The following PDK2 variants were observed in gnomAD, a reference collection of about 807,000 sequenced individuals.
PDK2 encodes pyruvate dehydrogenase kinase 2.
PDK2 carries 34 observed loss-of-function variants against 50.4 expected under a neutral mutation model. That is an observed-to-expected ratio of 0.68 (90% CI 0.51 to 0.90). The LOEUF is 0.90. Among genes scored for constraint, PDK2 ranks in the 40% least tolerant of loss-of-function variants. The probability of loss-of-function intolerance (pLI) is 0.00; values close to 1 mark genes in which losing one functional copy is unlikely to be tolerated. For missense variants in PDK2, 377 were observed against 544.5 expected (o/e 0.69, Z 3.06); for synonymous variants, 232 against 216.0 (o/e 1.07, Z -0.65).
chr17:50,106,208 G>C lies in PDK2; in HGVS notation c.517+139G>C, dbSNP rs1910509553. 12 of 1,459,754 alleles carry C rather than the reference G, an allele frequency of 8.2e-6. No homozygotes were observed. The South Asian group carries it at 1.6e-4, about 20-fold the overall frequency. The allele number at this position is 1,459,754 out of a possible 1,614,324, so 90.4% of individuals were successfully genotyped here. The stretch of plus-strand genomic sequence containing the variant: ...TTTGAATAGTTACTCCAGTAACTAT[G>C]GAGTTAATGGCTCCAACATGGAAAA... On this transcript the variant is annotated intron_variant, in intron 4 of 10. Coordinates refer to ENST00000503176, the MANE Select transcript of PDK2 (RefSeq NM_002611.5).
At chr17:50,097,397 T>C in intron 1 of PDK2, 26 bp from the exon 2 acceptor site, 9 of 1,611,888 alleles carry the variant, frequency 5.6e-6, no homozygotes, top group Non-Finnish European at 7.6e-6. Context: ...TGTGGCTCTG[T>C]GGCTCACCCC....
rs752164736 is a variant in PDK2, at chr17:50,106,653, C to T, written c.518-141C>T. On this transcript the variant is annotated intron_variant, in intron 4 of 10. Coordinates refer to ENST00000503176, the MANE Select transcript of PDK2 (RefSeq NM_002611.5). Reference sequence around the variant, plus strand: ...GGGGTCAGGGAAGGGAGGACAGAAGCGGGGGAGTGGGGCAGCTTTAGGACT... The same window carrying T: ...GGGGTCAGGGAAGGGAGGACAGAAGTGGGGGAGTGGGGCAGCTTTAGGACT... 369 of 702,172 alleles carry T rather than the reference C, an allele frequency of 5.3e-4. 2 individuals carry two copies. Among genetic ancestry groups the T allele is most frequent in the Middle Eastern group, 1.0e-3 (4 of 3,966 alleles). The allele number at this position is 702,172 out of a possible 1,614,324, so 43.5% of individuals were successfully genotyped here. A position where few individuals can be genotyped will look rare whatever the true frequency, so the allele number is the denominator to read the frequency against.
In PDK2 at chr17:50,095,457, C is replaced by T. The variant is rs780982845; in HGVS notation, c.22C>T (p.Leu8=). 5.0e-6 allele frequency: 8 copies of T among 1,603,842 alleles called. No individual in the cohort carries two copies. The African/African-American group carries it at 1.1e-4, about 21-fold the overall frequency. MRWVWAL[L]KNASLAGAPK... ...AGCCATGCGCTGGGTGTGGGCGCTGCTGAAGAATGCGTCCCTGGCAGGGGC... is the reference window on the plus strand; with the variant it reads ...AGCCATGCGCTGGGTGTGGGCGCTGTTGAAGAATGCGTCCCTGGCAGGGGC... The change falls in exon 1 of 11, where the codon CTG becomes TTG. Residue 8 remains leucine, a synonymous_variant. Coordinates refer to ENST00000503176, the MANE Select transcript of PDK2 (RefSeq NM_002611.5).
Position 50,101,606 on chromosome 17 carries a change from C to G in PDK2, c.261-3765C>G, listed in dbSNP as rs535631481. ...GCACACACCCACAGGCATGCACATGCCACATGCACACAATTACACACACTC... is the reference window on the plus strand; with the variant it reads ...GCACACACCCACAGGCATGCACATGGCACATGCACACAATTACACACACTC... On this transcript the variant is annotated intron_variant, in intron 2 of 10. Transcript: ENST00000503176. The surrounding 1 kb of genome is among the most constrained non-coding windows in gnomAD (Gnocchi z 4.2). Among the ~76,000 whole-genome samples, 5 of 152,294 alleles carry G rather than the reference C, an allele frequency of 3.3e-5. 1 individual carries two copies. The South Asian group carries it at 1.0e-3, about 32-fold the overall frequency.
At position 50,109,427 on chromosome 17, in the gene PDK2, C is replaced by G. The variant is rs780127585; in HGVS notation, c.1083+27C>G. 6.7e-7 allele frequency: 1 copy of G among 1,497,694 alleles called. No homozygotes were observed. The highest frequency in any genetic ancestry group is 1.2e-5 in the South Asian group (1 of 86,792). The allele number at this position is 1,497,694 out of a possible 1,614,324, so 92.8% of individuals were successfully genotyped here. A position where few individuals can be genotyped will look rare whatever the true frequency, so the allele number is the denominator to read the frequency against. On this transcript the variant is annotated intron_variant, in intron 10 of 10. Transcript: ENST00000503176. This position sits in a 1 kb window ranked among gnomAD's most constrained non-coding sequence, Gnocchi z 5.0. ...TGAGGGCCCTTCCCGCAGAGCCCAG[C>G]TGGAGAAGAGCTTTGCTGATAGGAC...
Position 50,109,293 on chromosome 17 carries a change from T to C in PDK2, c.976T>C (p.Phe326Leu). 1 of 1,611,908 alleles carries C rather than the reference T, an allele frequency of 6.2e-7. No individual in the cohort carries two copies. The highest frequency in any genetic ancestry group is 2.2e-5 in the East Asian group (1 of 44,796). Reference sequence around the variant, plus strand: ...CCTTCCTGCCCCGCTGCAGGCTGGCTTTGGTTATGGGCTCCCCATTTCCCG... The same window carrying C: ...CCTTCCTGCCCCGCTGCAGGCTGGCCTTGGTTATGGGCTCCCCATTTCCCG... ...PGTGGTPLAG[F>L]GYGLPISRLY... The change falls in exon 10 of 11, where the codon TTT (phenylalanine) becomes CTT (leucine). Residue 326 changes from phenylalanine (F) to leucine (L), a missense_variant. By Grantham distance (22) the Phe-to-Leu change is conservative. Transcript: ENST00000503176. This position sits in a 1 kb window ranked among gnomAD's most constrained non-coding sequence, Gnocchi z 5.0.
rs116426914 is a variant in PDK2 at position 50,099,516 on chromosome 17, G to A, written c.260+1952G>A. Among the ~76,000 whole-genome samples, 636 of 152,386 alleles carry A rather than the reference G, an allele frequency of 4.2e-3. 5 individuals are homozygous for A. Among genetic ancestry groups the A allele is most frequent in the African/African-American group, 0.015 (607 of 41,590 alleles). ...CTCAATGAAGGATTCAGCTTAGGCC[G>A]GGCGCGGTGGCTCACGCCTGTAATC... On this transcript the variant is annotated intron_variant, in intron 2 of 10. Coordinates refer to ENST00000503176, the MANE Select transcript of PDK2 (RefSeq NM_002611.5).
At chr17:50,096,188 TC>T in intron 1 of PDK2, 1 of 985,536 alleles carries the variant, frequency 1.0e-6, no homozygotes, top group Non-Finnish European at 1.2e-6. Flanking sequence ...TCAAATCTGT[TC>T]CGGCCTGGCA....
At chr17:50,108,817 G>T in intron 9 of PDK2, 98 bp downstream of exon 9, 2 of 731,342 alleles carry the variant, frequency 2.7e-6, no homozygotes, top group Non-Finnish European at 2.4e-6. Context: ...CTGTGTGGCC[G>T]TCTGTGACAG....
intron 4 of PDK2, 103 bp from the exon 5 acceptor site, chr17:50,106,691 G>A (rs1426623419): frequency 1.6e-5 from 15 of 912,686 alleles, no homozygotes; most frequent in Middle Eastern, 4.3e-4. Context: ...AGCCTACAGA[G>A]GCATTGGAGG....
intron 1 of PDK2, 39 bp from the exon 2 acceptor site, chr17:50,097,384 G>C: frequency 1.2e-6 from 2 of 1,608,768 alleles, no homozygotes; most frequent in Non-Finnish European, 8.5e-7. Flanking sequence ...GGCTTTCATA[G>C]TCTGTGGCTC....
At chr17:50,099,798 T>C (rs759908816) in intron 2 of PDK2, among the ~76,000 whole-genome samples, 3 of 152,078 alleles carry the variant, frequency 2.0e-5, no homozygotes, top group Non-Finnish European at 4.4e-5. Context: ...GTCTCAAAAA[T>C]GAAAGAAAGA....
chr17:50,108,152 G>T lies in PDK2; in HGVS notation c.686-4G>T. 2 of 1,587,604 alleles carry T rather than the reference G, an allele frequency of 1.3e-6. No homozygotes were observed. The highest frequency in any genetic ancestry group is 1.7e-6 in the Non-Finnish European group (2 of 1,165,190). ...CTGACCCTTGGTCTTGACTTGCCCT[G>T]TAGCAGCCAACTCCAAACAGCCGAT... On this transcript the variant is annotated splice_polypyrimidine_tract_variant and splice_region_variant and intron_variant, in intron 6 of 10. Transcript: ENST00000503176.
intron 6 of PDK2, among the ~76,000 whole-genome samples, chr17:50,107,748 G>T (rs1052095878): frequency 1.3e-5 from 2 of 152,272 alleles, no homozygotes; most frequent in South Asian, 4.1e-4. Context: ...GACAAGTGAT[G>T]GGAAGGAAAT....
Position 50,108,177 on chromosome 17 carries a change from T to A in PDK2, c.707T>A (p.Ile236Asn), listed in dbSNP as rs754083379. ...GTAGCAGCCAACTCCAAACAGCCGA[T>A]TCACATGGTCTACGTCCCCTCCCAC... Reference protein sequence around the residue: ...EINAANSKQPIHMVYVPSHLY... With the variant: ...EINAANSKQPNHMVYVPSHLY... The change falls in exon 7 of 11, where the codon ATT becomes AAT. Residue 236 changes from isoleucine (I) to asparagine (N), a missense_variant. By Grantham distance (149) the Ile-to-Asn change is moderately radical. Transcript: ENST00000503176. 1 of 1,596,766 alleles carries A rather than the reference T, an allele frequency of 6.3e-7. No individual in the cohort carries two copies. Among genetic ancestry groups the A allele is most frequent in the South Asian group, 1.1e-5 (1 of 88,390 alleles).
At chr17:50,095,170 C>T, upstream of PDK2, 1 of 418,840 alleles carries the variant, frequency 2.4e-6, no homozygotes, top group South Asian at 3.7e-5. Context: ...CTCCCCAAAA[C>T]AACAGGCCGC....
At chr17:50,098,578 T>G (rs2144347543) in intron 2 of PDK2, 1 of 152,354 alleles carries the variant, frequency 6.6e-6, no homozygotes, top group African/African-American at 2.4e-5. Flanking sequence ...ACTTGACACT[T>G]GCAAAATGCA....
chr17:50,106,580 A>T (rs557105830), intron 4 of PDK2: 1 of 587,986 alleles, frequency 1.7e-6, no homozygotes, highest in Admixed American at 3.1e-5. Context: ...CGTCTGTTTC[A>T]GGTTTGCAAA....
chr17:50,095,728 G>C, intron 1 of PDK2, 175 bp downstream of exon 1: 2 of 1,426,596 alleles, frequency 1.4e-6, no homozygotes, highest in Non-Finnish European at 1.8e-6. Context: ...GGGGCCTCTC[G>C]ACGGGGCTGC....
Sources: allele counts gnomAD v4.1 joint callset (sites outside exome capture counted in the v4.1 genomes callset), GRCh38; gene constraint gnomAD v4.1.1; non-coding constraint Gnocchi (gnomAD v3.1); transcripts MANE v1.5; gene names NCBI Gene and HGNC (gene_info 2026-07-23, HGNC 2026-07-21).